HHLA2: variants seen among roughly 807,000 people sequenced by gnomAD.
HHLA2 encodes the protein HERV-H LTR-associating protein 2.
A neutral mutation model predicts 45.9 loss-of-function variants in HHLA2; 48 were observed. The observed-to-expected ratio is 1.05, with a 90% confidence interval of 0.83 to 1.33. The LOEUF is 1.33. Among genes scored for constraint, HHLA2 ranks in the 40% most tolerant of loss-of-function variants. The pLI is 0.00. For missense variants in HHLA2, 462 were observed against 494.3 expected, an observed-to-expected ratio of 0.93 and a Z score of 0.62; for synonymous variants, 161 against 173.9, an observed-to-expected ratio of 0.93 and a Z score of 0.59.
At chr3:108,311,383 C>T (rs552913458) in intron 2 of HHLA2, among the ~76,000 whole-genome samples, 24 of 152,266 alleles carry the variant, frequency 1.6e-4, no homozygotes, top group Non-Finnish European at 3.2e-4. Flanking sequence ...TGATGGCTAA[C>T]ATTTTGAAAA....
At chr3:108,369,811 CA>C (rs2082135768) in intron 8 of HHLA2, among the ~76,000 whole-genome samples, 1 of 152,206 alleles carries the variant, frequency 6.6e-6, no homozygotes, top group African/African-American at 2.4e-5. Context: ...ACAAAGCAGC[CA>C]GGAAGCTCGA....
intron 2 of HHLA2, chr3:108,328,132 C>T (rs1467609893): frequency 1.0e-5 from 5 of 498,398 alleles, no homozygotes; most frequent in South Asian, 6.8e-5. Context: ...GACTCTGTCT[C>T]GAAGAAAAAA....
intron 3 of HHLA2, among the ~76,000 whole-genome samples, chr3:108,349,486 A>G (rs1263619913): frequency 3.9e-5 from 6 of 152,226 alleles, no homozygotes; most frequent in Non-Finnish European, 8.8e-5. Context: ...AAGTTCTGAA[A>G]TTGAGGCAGT....
Position 108,353,424 on chromosome 3 carries a change from T to C in HHLA2, c.65-3T>C, listed in dbSNP as rs764298694. 1.3e-6 allele frequency: 2 copies of C among 1,542,598 alleles called. No homozygotes were observed. The highest frequency in any genetic ancestry group is 3.8e-5 in the Admixed American group (2 of 52,210). ...TTTATAACTTCTCTGCTCTTGACTG[T>C]AGGCATATTCCCTTTGGCTTTCTTC... On this transcript the variant is annotated splice_polypyrimidine_tract_variant and splice_region_variant and intron_variant, in intron 4 of 10. Coordinates refer to ENST00000619531, the Ensembl canonical transcript of HHLA2.
At chr3:108,341,389 C>T (rs1046409006) in intron 3 of HHLA2, among the ~76,000 whole-genome samples, 1 of 152,084 alleles carries the variant, frequency 6.6e-6, no homozygotes, top group Admixed American at 6.6e-5. Flanking sequence ...TCAGAAAACT[C>T]CTATAAAAAC....
exon 7 of HHLA2, chr3:108,358,037 G>A: frequency 6.2e-7 from 1 of 1,613,740 alleles, no homozygotes; most frequent in Non-Finnish European, 8.5e-7. Context: ...GGAACAAAGA[G>A]CTGATAAACC....
intron 3 of HHLA2, among the ~76,000 whole-genome samples, chr3:108,341,615 A>C (rs1254315865): frequency 6.6e-6 from 1 of 152,220 alleles, no homozygotes; most frequent in East Asian, 1.9e-4. Context: ...AAACAAAAAA[A>C]AACAGAGCCC....
At chr3:108,376,665 C>A in intron 10 of HHLA2, 108 bp downstream of exon 9, 2 of 882,262 alleles carry the variant, frequency 2.3e-6, no homozygotes, top group Admixed American at 2.7e-5. Flanking sequence ...GACTTTTATA[C>A]AGAAAAAAAC....
chr3:108,369,263 A>G (rs901372800), intron 8 of HHLA2, among the ~76,000 whole-genome samples: 1 of 152,258 alleles, frequency 6.6e-6, no homozygotes, highest in African/African-American at 2.4e-5. Flanking sequence ...TGCCCACATC[A>G]GAAAGCAGGA....
At chr3:108,353,818 C>T (rs925884638) in intron 5 of HHLA2, 38 bp downstream of exon 4, 8 of 1,453,382 alleles carry the variant, frequency 5.5e-6, no homozygotes, top group Non-Finnish European at 7.5e-6. Flanking sequence ...ACAGCAATGA[C>T]ATCATTCCAT....
At chr3:108,355,376 T>G in exon 6 of HHLA2, 1 of 1,612,370 alleles carries the variant, frequency 6.2e-7, no homozygotes, top group Middle Eastern at 1.7e-4. Context: ...CGCTGGACGA[T>G]GAAAGGTAGG....
intron 8 of HHLA2, among the ~76,000 whole-genome samples, chr3:108,373,228 G>A (rs146064546): frequency 2.6e-5 from 4 of 151,954 alleles, no homozygotes; most frequent in Admixed American, 1.3e-4. Context: ...AGACAAAAAC[G>A]ACATGATTAT....
intron 8 of HHLA2, among the ~76,000 whole-genome samples, chr3:108,371,733 C>T (rs943490089): frequency 4.6e-5 from 7 of 152,096 alleles, no homozygotes; most frequent in East Asian, 1.9e-4. Context: ...CAAAGAAAGC[C>T]GTTACATAAT....
rs77003965 is a variant in HHLA2 at position 108,353,793 on chromosome 3, G to C, written c.418+13G>C. The C allele has an allele frequency of 3.8e-6, 6 of 1,575,594 alleles. No individual in the cohort carries two copies. Among genetic ancestry groups the C allele is most frequent in the Non-Finnish European group, 5.2e-6 (6 of 1,156,612 alleles). On this transcript the variant is annotated intron_variant, in intron 5 of 10. Coordinates refer to ENST00000619531, the Ensembl canonical transcript of HHLA2. ...CTAAAGGTGGGAGGTAAGTGTGCAT[G>C]TAAAGTTTCATGAAACAGCAATGAC...
At chr3:108,354,658 C>A (rs1362118166) in intron 5 of HHLA2, among the ~76,000 whole-genome samples, 1 of 152,076 alleles carries the variant, frequency 6.6e-6, no homozygotes, top group African/African-American at 2.4e-5. Flanking sequence ...TTTTTCCCAG[C>A]ACTTGTTTCT....
intron 1 of HHLA2, among the ~76,000 whole-genome samples, chr3:108,305,010 T>C (rs1434164178): frequency 1.3e-5 from 2 of 152,244 alleles, no homozygotes; most frequent in Non-Finnish European, 2.9e-5. Context: ...TTGAAGATTC[T>C]GTCTGTTTTT....
At chr3:108,362,675 T>A (rs2082001761) in intron 8 of HHLA2, among the ~76,000 whole-genome samples, 1 of 152,218 alleles carries the variant, frequency 6.6e-6, no homozygotes, top group Non-Finnish European at 1.5e-5. Flanking sequence ...CACCAAACTA[T>A]ATACAAGCAT....
chr3:108,343,251 A>G (rs1280396717), intron 3 of HHLA2, among the ~76,000 whole-genome samples: 1 of 152,204 alleles, frequency 6.6e-6, no homozygotes, highest in African/African-American at 2.4e-5. Context: ...AGTAGAAGAC[A>G]AGGCTTCTGA....
exon 5 of HHLA2, chr3:108,353,429 A>G: frequency 6.4e-7 from 1 of 1,557,430 alleles, no homozygotes; most frequent in Non-Finnish European, 8.7e-7. Context: ...GACTGTAGGC[A>G]TATTCCCTTT....
Sources: gnomAD v4.1 joint callset for allele counts (sites outside exome capture counted in the v4.1 genomes callset) on GRCh38, gnomAD v4.1.1 for gene constraint, MANE v1.5 for transcripts, NCBI Gene and HGNC (gene_info 2026-07-23, HGNC 2026-07-21) for gene names.